The following ZNF616 variants were observed in gnomAD, a reference collection of about 807,000 sequenced individuals.
ZNF616 encodes the protein zinc finger protein 616.
In ZNF616, 5 loss-of-function variants were observed where a neutral mutation model predicts 7.6. The observed-to-expected ratio is 0.66, with a 90% confidence interval of 0.34 to 1.38. The LOEUF is 1.38. Ranked by LOEUF, ZNF616 falls within the 40% of genes most tolerant of loss-of-function variation. The pLI is 0.04. For synonymous variants in ZNF616, 319 were observed against 317.2 expected, an observed-to-expected ratio of 1.01 and a Z score of -0.06; for missense variants, 913 against 948.3, an observed-to-expected ratio of 0.96 and a Z score of 0.49.
In ZNF616 at chr19:52,115,791, A is replaced by G; in HGVS notation, c.1373T>C (p.Ile458Thr). Residue 458 changes from isoleucine (I) to threonine (T), a missense_variant, in exon 4 of 4, where the codon ATT becomes ACT. Transcript: ENST00000600228. ...TTTATAAGCTTTCTCGCCGGTATGAATTCTCCAATGCACTGCAAGATGTGA... is the reference window on the plus strand; with the variant it reads ...TTTATAAGCTTTCTCGCCGGTATGAGTTCTCCAATGCACTGCAAGATGTGA... ...KHSHLAVHWR[I>T]HTGEKAYKCN... 4 of 1,609,168 alleles carry G rather than the reference A, an allele frequency of 2.5e-6. No individual in the cohort carries two copies. Among genetic ancestry groups the G allele is most frequent in the Non-Finnish European group, 3.4e-6 (4 of 1,177,850 alleles).
At position 52,139,450 on chromosome 19, in the gene ZNF616, A is replaced by G. The variant is rs2089039912; in HGVS notation, c.-77+282T>C. Among the ~76,000 whole-genome samples, 1 of 152,152 alleles carries G rather than the reference A, an allele frequency of 6.6e-6. No homozygotes were observed. Among genetic ancestry groups the G allele is most frequent in the Non-Finnish European group, 1.5e-5 (1 of 68,022 alleles). On this transcript the variant is annotated intron_variant, in intron 1 of 3. Coordinates refer to ENST00000600228, the MANE Select transcript of ZNF616 (RefSeq NM_178523.5). This position sits in a 1 kb window ranked among gnomAD's most constrained non-coding sequence, Gnocchi z 4.1. Reference sequence around the variant, plus strand: ...GGACAGGGAGGGTCTGCAGAATCCCAGGACCTGGGAGAAGAAGCGGCTCCT... The same window carrying G: ...GGACAGGGAGGGTCTGCAGAATCCCGGGACCTGGGAGAAGAAGCGGCTCCT...
intron 1 of ZNF616, among the ~76,000 whole-genome samples, chr19:52,132,748 C>CTG (rs1035283625): frequency 1.2e-4 from 19 of 152,170 alleles, no homozygotes; most frequent in Non-Finnish European, 2.4e-4. Context: ...GCCTGCAGAA[C>CTG]TGTGAGCCAA....
intron 1 of ZNF616, among the ~76,000 whole-genome samples, chr19:52,132,573 G>A (rs981757675): frequency 1.3e-5 from 2 of 152,086 alleles, no homozygotes; most frequent in Non-Finnish European, 2.9e-5. Context: ...ATCACAGTGA[G>A]TTCTCACGAC....
At chr19:52,136,365 C>T (rs1408699191) in intron 1 of ZNF616, among the ~76,000 whole-genome samples, 1 of 152,008 alleles carries the variant, frequency 6.6e-6, no homozygotes, top group African/African-American at 2.4e-5. Flanking sequence ...CCTGTAATCT[C>T]AGGTGCTTCG....
intron 2 of ZNF616, among the ~76,000 whole-genome samples, chr19:52,129,000 G>A (rs2088934291): frequency 1.3e-5 from 2 of 151,350 alleles, no homozygotes; most frequent in Admixed American, 6.6e-5. Flanking sequence ...CAGGCTGGGT[G>A]TGGTGGTTCA....
rs1307675574 is a variant in ZNF616 at position 52,113,130 on chromosome 19, C to T, written c.*1688G>A. 1.3e-5 allele frequency: 2 copies of T among 152,194 alleles called. No homozygotes were observed. The highest frequency in any genetic ancestry group is 4.8e-5 in the African/African-American group (2 of 41,462). 9.4% of individuals were successfully genotyped at this position (152,194 alleles called of 1,614,324 possible). ...TTATAAACTGAATGAGCCATTTTCA[C>T]ACATGCACTTGCTCCTTTAAAATAC... On this transcript the variant is annotated 3_prime_UTR_variant, in exon 4 of 4. Transcript: ENST00000600228.
At chr19:52,123,009 C>A (rs2088876287) in intron 3 of ZNF616, among the ~76,000 whole-genome samples, 1 of 152,094 alleles carries the variant, frequency 6.6e-6, no homozygotes. Flanking sequence ...TGTCTTATTA[C>A]AACACTATTG....
chr19:52,130,532 C>T lies in ZNF616; in HGVS notation c.-20G>A, dbSNP rs199714053. The T allele has an allele frequency of 1.2e-6, 2 of 1,603,410 alleles. No homozygotes were observed. Among genetic ancestry groups the T allele is most frequent in the Admixed American group, 1.8e-5 (1 of 56,866 alleles). The stretch of plus-strand genomic sequence containing the variant: ...AGCCATCACTGACTCCTTTTCCTTC[C>T]TCTTCTTCCTCTTCTGGGTTTCTTT... On this transcript the variant is annotated 5_prime_UTR_variant, in exon 2 of 4. Transcript: ENST00000600228.
rs1221337334 is a variant in ZNF616 at position 52,130,527 on chromosome 19, C to G, written c.-15G>C. 6.2e-7 allele frequency: 1 copy of G among 1,607,638 alleles called. No individual in the cohort carries two copies. The highest frequency in any genetic ancestry group is 8.5e-7 in the Non-Finnish European group (1 of 1,177,716). Reference sequence around the variant, plus strand: ...TGAGTAGCCATCACTGACTCCTTTTCCTTCCTCTTCTTCCTCTTCTGGGTT... The same window carrying G: ...TGAGTAGCCATCACTGACTCCTTTTGCTTCCTCTTCTTCCTCTTCTGGGTT... On this transcript the variant is annotated 5_prime_UTR_variant, in exon 2 of 4. Coordinates refer to ENST00000600228, the MANE Select transcript of ZNF616 (RefSeq NM_178523.5).
At chr19:52,135,528 C>G (rs1468490148) in intron 1 of ZNF616, among the ~76,000 whole-genome samples, 1 of 152,136 alleles carries the variant, frequency 6.6e-6, no homozygotes, top group South Asian at 2.1e-4. Flanking sequence ...AAGTGATGGA[C>G]CCCACAGAAG....
chr19:52,113,403 G>C lies in ZNF616; in HGVS notation c.*1415C>G, dbSNP rs546933371. ...TCCTTTCATGTTCAGCATACTTACA[G>C]GATTTTTCTCCTTTATACGTTCAAT... On this transcript the variant is annotated 3_prime_UTR_variant, in exon 4 of 4. Transcript: ENST00000600228. 6.6e-6 allele frequency: 1 copy of C among 152,178 alleles called. No individual in the cohort carries two copies. The highest frequency in any genetic ancestry group is 1.5e-5 in the Non-Finnish European group (1 of 68,028). 9.4% of individuals were successfully genotyped at this position (152,178 alleles called of 1,614,324 possible).
Position 52,115,512 on chromosome 19 carries a change from C to G in ZNF616, c.1652G>C (p.Cys551Ser). 1 of 1,614,030 alleles carries G rather than the reference C, an allele frequency of 6.2e-7. No homozygotes were observed. Among genetic ancestry groups the G allele is most frequent in the Non-Finnish European group, 8.5e-7 (1 of 1,180,010 alleles). Residue 551 changes from cysteine to serine, a missense_variant, in exon 4 of 4, where the codon TGC (cysteine) becomes TCC (serine). Cys to Ser is a moderately radical substitution (Grantham distance 112). Transcript: ENST00000600228. Reference sequence around the variant, plus strand: ...ACTGAAGACCTTGCCACATTCTTTGCATTTGTAAGGCTTCTCTCCAGTATG... The same window carrying G: ...ACTGAAGACCTTGCCACATTCTTTGGATTTGTAAGGCTTCTCTCCAGTATG... Reference protein sequence around the residue: ...RIHTGEKPYKCKECGKVFSQC... With the variant: ...RIHTGEKPYKSKECGKVFSQC...
intron 1 of ZNF616, among the ~76,000 whole-genome samples, chr19:52,133,760 G>A (rs1054515554): frequency 3.9e-5 from 6 of 152,002 alleles, no homozygotes; most frequent in Admixed American, 6.6e-5. Context: ...TGATCCGCCC[G>A]CCTCGGCCTC....
rs773800911 is a variant in ZNF616 at position 52,130,558 on chromosome 19, CTCAG to C, written c.-50_-47del. 6.3e-7 allele frequency: 1 copy of C among 1,593,102 alleles called. No homozygotes were observed. Among genetic ancestry groups the C allele is most frequent in the South Asian group, 1.1e-5 (1 of 88,050 alleles). On this transcript the variant is annotated 5_prime_UTR_variant, in exon 2 of 4. Coordinates refer to ENST00000600228, the MANE Select transcript of ZNF616 (RefSeq NM_178523.5). ...TCTTCTTCCTCTTCTGGGTTTCTTT[CTCAG>C]TCAATGTAATTATTCACACATCAAA...
intron 2 of ZNF616, among the ~76,000 whole-genome samples, chr19:52,125,157 T>C (rs8104987): frequency 0.22 from 33,558 of 152,064 alleles, 5,764 homozygotes; most frequent in African/African-American, 0.47. Context: ...TCCTCACATA[T>C]AAAATGCATT....
chr19:52,121,116 G>A (rs10405987), intron 3 of ZNF616, among the ~76,000 whole-genome samples: 20,192 of 152,186 alleles, frequency 0.13, 2,068 homozygotes, highest in South Asian at 0.28. Context: ...AGGCAGTGGC[G>A]TGATCTTGGT....
intron 3 of ZNF616, among the ~76,000 whole-genome samples, chr19:52,123,077 G>C (rs1200566214): frequency 6.6e-6 from 1 of 152,106 alleles, no homozygotes; most frequent in African/African-American, 2.4e-5. Flanking sequence ...ACTAAAGAAA[G>C]AAATCTTGTA....
At chr19:52,122,787 G>A (rs1008393766) in intron 3 of ZNF616, among the ~76,000 whole-genome samples, 2 of 151,528 alleles carry the variant, frequency 1.3e-5, no homozygotes, top group African/African-American at 4.8e-5. Flanking sequence ...GGCGCCCACC[G>A]CCACACCCTG....
intron 1 of ZNF616, among the ~76,000 whole-genome samples, chr19:52,131,072 A>G (rs2088955669): frequency 6.6e-6 from 1 of 152,116 alleles, no homozygotes; most frequent in African/African-American, 2.4e-5. Context: ...ATTCGAGACC[A>G]GCCTGGCCAA....
Sources: gnomAD v4.1 joint callset for allele counts (sites outside exome capture counted in the v4.1 genomes callset) on GRCh38, gnomAD v4.1.1 for gene constraint, Gnocchi (gnomAD v3.1) non-coding constraint, MANE v1.5 for transcripts, NCBI Gene and HGNC (gene_info 2026-07-23, HGNC 2026-07-21) for gene names.